Variants in MATR3 observed in about 807,000 individuals in gnomAD.
MATR3 encodes matrin 3, also known as matrin-3.
MATR3 carries 4 observed loss-of-function variants against 85.5 expected under a neutral mutation model. The observed-to-expected ratio is 0.05, with a 90% CI of 0.02 to 0.11. The LOEUF (loss-of-function observed/expected upper bound fraction) is 0.11, where lower values mean the gene tolerates loss of function less well. Ranked by LOEUF, MATR3 falls within the 10% of genes least tolerant of loss-of-function variation. The probability of loss-of-function intolerance (pLI) is 1.00; values close to 1 mark genes in which losing one functional copy is unlikely to be tolerated. For missense variants in MATR3, 685 were observed against 1,016.1 expected, an observed-to-expected ratio of 0.67 and a Z score of 4.43; for synonymous variants, 336 against 343.1, an observed-to-expected ratio of 0.98 and a Z score of 0.23.
Position 139,331,465 on chromosome 5 carries a change from A to C in MATR3, c.*2070A>C, listed in dbSNP as rs1240605483. 2 of 454,016 alleles carry C rather than the reference A, an allele frequency of 4.4e-6. No homozygotes were observed. The highest frequency in any genetic ancestry group is 1.6e-5 in the South Asian group (1 of 64,484). The allele number at this position is 454,016 out of a possible 1,614,324, so 28.1% of individuals were successfully genotyped here. The stretch of plus-strand genomic sequence containing the variant: ...AGAATGCTATGTTTTTAATACCTAC[A>C]TTTGAGAGCATTTAGAAATCAGAAA... On this transcript the variant is annotated 3_prime_UTR_variant, in exon 15 of 15. Transcript: ENST00000394805.
At chr5:139,278,221 C>T (rs1419957091) in intron 2 of MATR3, 1 of 375,096 alleles carries the variant, frequency 2.7e-6, no homozygotes, top group Non-Finnish European at 5.4e-6. Flanking sequence ...GAGTGAGACC[C>T]TATCTCAAAA....
intron 2 of MATR3, chr5:139,310,371 C>G (rs1022095219): frequency 6.6e-6 from 1 of 152,048 alleles, no homozygotes; most frequent in Non-Finnish European, 1.5e-5. Flanking sequence ...TAAATTGGAC[C>G]AACTTTAAGA....
chr5:139,319,129 T>A, intron 8 of MATR3, 96 bp downstream of exon 8: 2 of 1,423,064 alleles, frequency 1.4e-6, no homozygotes, highest in Non-Finnish European at 9.8e-7. Flanking sequence ...AGGCCAGGTG[T>A]GGTGGCTCAC....
chr5:139,277,640 T>A (rs966729829), intron 2 of MATR3, among the ~76,000 whole-genome samples: 9 of 151,958 alleles, frequency 5.9e-5, no homozygotes, highest in Non-Finnish European at 1.0e-4. Context: ...CTATAGAAAT[T>A]GGGGTAAATG....
chr5:139,305,950 A>G (rs1754685146), intron 1 of MATR3, among the ~76,000 whole-genome samples: 1 of 152,148 alleles, frequency 6.6e-6, no homozygotes. Flanking sequence ...TTGATCCTGT[A>G]ATAGACTTGT....
In MATR3 at chr5:139,307,201, A is replaced by T. The variant is rs371541972; in HGVS notation, c.-177-38A>T. The T allele has an allele frequency of 3.1e-5, 39 of 1,260,052 alleles. No individual in the cohort carries two copies. The East Asian group carries it at 5.6e-4, about 18-fold the overall frequency. The allele number at this position is 1,260,052 out of a possible 1,614,324, so 78.1% of individuals were successfully genotyped here. Reference sequence around the variant, plus strand: ...TTTCTTAAAAAAACGGCATCTGCTTAAAGGGATTTATGACTAAAATTGCTT... The same window carrying T: ...TTTCTTAAAAAAACGGCATCTGCTTTAAGGGATTTATGACTAAAATTGCTT... On this transcript the variant is annotated intron_variant, in intron 1 of 14. Transcript: ENST00000394805. This position sits in a 1 kb window ranked among gnomAD's most constrained non-coding sequence, Gnocchi z 4.4.
rs1358658225 is a variant in MATR3, at chr5:139,330,496, A to G, written c.*1101A>G. On this transcript the variant is annotated 3_prime_UTR_variant, in exon 15 of 15. Coordinates refer to ENST00000394805, the MANE Select transcript of MATR3 (RefSeq NM_018834.6). Reference sequence around the variant, plus strand: ...TCTTAAACTTTGTGCATGCTTTAACAATTTATTACTTTTAAATCTAGAGTG... The same window carrying G: ...TCTTAAACTTTGTGCATGCTTTAACGATTTATTACTTTTAAATCTAGAGTG... The G allele has an allele frequency of 2.2e-6, 1 of 454,200 alleles. No homozygotes were observed. The highest frequency in any genetic ancestry group is 2.3e-5 in the Admixed American group (1 of 42,574). 28.1% of individuals were successfully genotyped at this position (454,200 alleles called of 1,614,324 possible).
Position 139,325,628 on chromosome 5 carries a change from T to C in MATR3, c.2337T>C (p.Tyr779=), listed in dbSNP as rs1445532782. 1 of 1,614,078 alleles carries C rather than the reference T, an allele frequency of 6.2e-7. No individual in the cohort carries two copies. The highest frequency in any genetic ancestry group is 8.5e-7 in the Non-Finnish European group (1 of 1,180,042). The change falls in exon 13 of 15, where the codon TAT becomes TAC. Residue 779 remains tyrosine, a synonymous_variant. Transcript: ENST00000394805. The part of the protein sequence containing the change: ...NKDDYTIPDE[Y]RIGPYQPNVP... The stretch of plus-strand genomic sequence containing the variant: ...ACGACTATACAATCCCAGATGAGTA[T>C]AGAATTGGACCATATCAGCCCAATG...
chr5:139,319,322 T>C lies in MATR3; in HGVS notation c.1435-12T>C. Reference sequence around the variant, plus strand: ...TGCACATTTGTCCTTTTGTTGTTGTTATTTATTAAAGAAACCTGAAGGAAA... The same window carrying C: ...TGCACATTTGTCCTTTTGTTGTTGTCATTTATTAAAGAAACCTGAAGGAAA... On this transcript the variant is annotated splice_polypyrimidine_tract_variant and intron_variant, in intron 8 of 14. Coordinates refer to ENST00000394805, the MANE Select transcript of MATR3 (RefSeq NM_018834.6). 6.3e-7 allele frequency: 1 copy of C among 1,587,876 alleles called. No homozygotes were observed. The highest frequency in any genetic ancestry group is 8.6e-7 in the Non-Finnish European group (1 of 1,158,232).
rs1754752836 is a variant in MATR3 at position 139,307,150 on chromosome 5, A to T, written c.-177-89A>T. On this transcript the variant is annotated intron_variant, in intron 1 of 14. Transcript: ENST00000394805. This position sits in a 1 kb window ranked among gnomAD's most constrained non-coding sequence, Gnocchi z 4.4. ...TTGAGATCTTAAATGTTTTTTTTTT[A>T]AATCAACATGATGCATAAGTTTTTT... 57 of 882,590 alleles carry T rather than the reference A, an allele frequency of 6.5e-5. No individual in the cohort carries two copies. Among genetic ancestry groups the T allele is most frequent in the East Asian group, 2.3e-4 (4 of 17,586 alleles). The allele number at this position is 882,590 out of a possible 1,614,324, so 54.7% of individuals were successfully genotyped here. A position where few individuals can be genotyped will look rare whatever the true frequency, so the allele number is the denominator to read the frequency against.
Position 139,319,514 on chromosome 5 carries a change from A to G in MATR3, c.1602+13A>G. 6.3e-7 allele frequency: 1 copy of G among 1,598,948 alleles called. No individual in the cohort carries two copies. The highest frequency in any genetic ancestry group is 8.6e-7 in the Non-Finnish European group (1 of 1,167,420). ...GATGAAAAGTCAGGTAATATACATA[A>G]GGAAGTTTTAGAGAAGATAATTTAT... On this transcript the variant is annotated intron_variant, in intron 9 of 14. Coordinates refer to ENST00000394805, the MANE Select transcript of MATR3 (RefSeq NM_018834.6).
At chr5:139,293,969 T>G in intron 1 of MATR3, 164 bp downstream of exon 1, 1 of 1,261,938 alleles carries the variant, frequency 7.9e-7, no homozygotes, top group Non-Finnish European at 1.0e-6. Flanking sequence ...AGCCGCCTGA[T>G]CGGCGGCCGC....
intron 7 of MATR3, among the ~76,000 whole-genome samples, chr5:139,318,467 G>GTTTTT (rs1315361209): frequency 6.6e-6 from 1 of 152,000 alleles, no homozygotes; most frequent in Non-Finnish European, 1.5e-5. Context: ...GTTTTGTTTT[G>GTTTTT]TGTTTGAGTG....
chr5:139,324,693 C>T (rs368139234), intron 12 of MATR3, among the ~76,000 whole-genome samples: 12 of 152,100 alleles, frequency 7.9e-5, no homozygotes, highest in African/African-American at 1.9e-4. Context: ...TCAACTTTTA[C>T]CAAATCAAGT....
chr5:139,311,508 T>G (rs759426947), intron 2 of MATR3: 8 of 152,148 alleles, frequency 5.3e-5, no homozygotes, highest in South Asian at 2.1e-4. Context: ...ATCTTGGCCT[T>G]CCTTTTTTCA....
intron 3 of MATR3, among the ~76,000 whole-genome samples, chr5:139,280,985 A>C (rs575896299): frequency 6.6e-5 from 10 of 151,782 alleles, no homozygotes; most frequent in Non-Finnish European, 1.2e-4. Context: ...AAAGAAATAT[A>C]TTTCCTGGTG....
chr5:139,318,443 G>A (rs927349300), intron 7 of MATR3, among the ~76,000 whole-genome samples: 35 of 151,874 alleles, frequency 2.3e-4, no homozygotes, highest in Non-Finnish European at 2.9e-5. Context: ...CAACATTTTT[G>A]TTCGTTTGTT....
chr5:139,278,690 C>T (rs1006113993), intron 2 of MATR3: 2 of 437,786 alleles, frequency 4.6e-6, no homozygotes, highest in African/African-American at 2.0e-5. Flanking sequence ...GCTTCCACGC[C>T]TGTTTTGCAG....
rs1457202862 is a variant in MATR3 at position 139,329,720 on chromosome 5, C to T, written c.*325C>T. 1 of 460,132 alleles carries T rather than the reference C, an allele frequency of 2.2e-6. No homozygotes were observed. The highest frequency in any genetic ancestry group is 4.3e-6 in the Non-Finnish European group (1 of 231,060). The allele number at this position is 460,132 out of a possible 1,614,324, so 28.5% of individuals were successfully genotyped here. On this transcript the variant is annotated 3_prime_UTR_variant, in exon 15 of 15. Coordinates refer to ENST00000394805, the MANE Select transcript of MATR3 (RefSeq NM_018834.6). ...TTTGGAAAAATGAAATTTAGTAGTT[C>T]CAAGTTTCAAAGAAATGTCAACATT...
Sources: gnomAD v4.1 joint callset for allele counts (sites outside exome capture counted in the v4.1 genomes callset) on GRCh38, gnomAD v4.1.1 for gene constraint, Gnocchi (gnomAD v3.1) non-coding constraint, MANE v1.5 for transcripts, NCBI Gene and HGNC (gene_info 2026-07-23, HGNC 2026-07-21) for gene names.